The following SNTG1 variants were observed in gnomAD, a reference collection of about 807,000 sequenced individuals.
SNTG1 encodes the protein gamma-1-syntrophin.
In SNTG1, 39 loss-of-function variants were observed where a neutral mutation model predicts 74.7. That is an observed-to-expected ratio of 0.52 (90% confidence interval 0.40 to 0.68). The LOEUF (loss-of-function observed/expected upper bound fraction) is 0.68. Among genes scored for constraint, SNTG1 ranks in the 30% least tolerant of loss-of-function variants. The pLI is 0.00. For synonymous variants in SNTG1, 254 were observed against 217.1 expected, an observed-to-expected ratio of 1.17 and a Z score of -1.49; for missense variants, 685 against 609.5, an observed-to-expected ratio of 1.12 and a Z score of -1.30.
intron 2 of SNTG1, among the ~76,000 whole-genome samples, chr8:50,383,018 T>G (rs1174743642): frequency 2.0e-5 from 3 of 152,210 alleles, no homozygotes; most frequent in African/African-American, 7.2e-5. Flanking sequence ...TCTCCTGTAC[T>G]TAAAGCCAAC....
At chr8:50,758,918 A>G (rs112598834) in intron 18 of SNTG1, among the ~76,000 whole-genome samples, 77 of 152,216 alleles carry the variant, frequency 5.1e-4, no homozygotes, top group African/African-American at 1.8e-3. Flanking sequence ...AAATGTTTGA[A>G]CTAATTTACA....
intron 1 of SNTG1, among the ~76,000 whole-genome samples, chr8:50,165,006 A>T (rs1206866785): frequency 6.6e-6 from 1 of 152,142 alleles, no homozygotes; most frequent in African/African-American, 2.4e-5. Context: ...AACTCATAGA[A>T]ACTATGCTTC....
In SNTG1 at chr8:50,792,971, G is replaced by C; in HGVS notation, c.*142G>C. The C allele has an allele frequency of 1.2e-6, 1 of 834,268 alleles. No homozygotes were observed. Among genetic ancestry groups the C allele is most frequent in the Non-Finnish European group, 1.8e-6 (1 of 568,346 alleles). The allele number at this position is 834,268 out of a possible 1,614,324, so 51.7% of individuals were successfully genotyped here. On this transcript the variant is annotated 3_prime_UTR_variant, in exon 19 of 19. Coordinates refer to ENST00000642720, the MANE Select transcript of SNTG1 (RefSeq NM_018967.5). ...AATTTCGGCAGAAAAAGAAGGTCAT[G>C]TGGAACCTCAAAAACACTTCTATTC...
intron 2 of SNTG1, among the ~76,000 whole-genome samples, chr8:50,309,931 G>C (rs914283792): frequency 1.3e-5 from 2 of 152,172 alleles, no homozygotes; most frequent in Non-Finnish European, 2.9e-5. Context: ...GGAAAACATT[G>C]TGTTTTAACT....
chr8:50,455,847 T>C (rs1247278012), intron 8 of SNTG1, among the ~76,000 whole-genome samples: 1 of 152,212 alleles, frequency 6.6e-6, no homozygotes, highest in Non-Finnish European at 1.5e-5. Flanking sequence ...ACCTAACTGC[T>C]AACGATTACA....
intron 2 of SNTG1, among the ~76,000 whole-genome samples, chr8:50,378,164 A>C (rs890319821): frequency 3.3e-4 from 50 of 152,344 alleles, no homozygotes; most frequent in African/African-American, 1.2e-3. Flanking sequence ...GATCAGACAC[A>C]CCAACTGCTG....
rs28621414 is a variant in SNTG1 at position 50,340,352 on chromosome 8, T to C, written c.-27-53860T>C. Among the ~76,000 whole-genome samples the C allele has an allele frequency of 6.2e-3, 946 of 152,024 alleles. 7 individuals are homozygous for C. The highest frequency in any genetic ancestry group is 0.021 in the African/African-American group (887 of 41,528). ...TATAAAGCTACATTAACCAAAACAG[T>C]GTGGTGTTAGCAAAAGAATAGACAA... On this transcript the variant is annotated intron_variant, in intron 2 of 18. Coordinates refer to ENST00000642720, the MANE Select transcript of SNTG1 (RefSeq NM_018967.5).
At chr8:50,103,208 C>A (rs902148441) in intron 1 of SNTG1, among the ~76,000 whole-genome samples, 3 of 152,134 alleles carry the variant, frequency 2.0e-5, no homozygotes, top group Non-Finnish European at 2.9e-5. Flanking sequence ...AATGTTCTTC[C>A]ATTTCTTTGT....
intron 3 of SNTG1, among the ~76,000 whole-genome samples, chr8:50,394,875 A>G (rs1409981642): frequency 6.7e-6 from 1 of 148,756 alleles, no homozygotes; most frequent in Non-Finnish European, 1.5e-5. Context: ...TAAATATGTA[A>G]CATTCAAAGT....
intron 1 of SNTG1, among the ~76,000 whole-genome samples, chr8:50,153,373 G>C (rs2082139191): frequency 6.6e-6 from 1 of 152,152 alleles, no homozygotes; most frequent in Admixed American, 6.5e-5. Context: ...GCTCAGAGAA[G>C]TTTGATTGTC....
chr8:50,213,646 T>C (rs1025712876), intron 2 of SNTG1, among the ~76,000 whole-genome samples: 1 of 151,922 alleles, frequency 6.6e-6, no homozygotes, highest in Admixed American at 6.6e-5. Context: ...TGGTATCTCA[T>C]TGTGGTTTTG....
intron 11 of SNTG1, among the ~76,000 whole-genome samples, chr8:50,544,859 A>G (rs2625754): frequency 0.4 from 61,435 of 151,902 alleles, 16,785 homozygotes; most frequent in African/African-American, 0.78. Context: ...ACAGACTAGT[A>G]GTAGTAGATT....
chr8:49,913,602 A>G (rs1344072646), intron 1 of SNTG1, among the ~76,000 whole-genome samples: 2 of 152,192 alleles, frequency 1.3e-5, no homozygotes, highest in African/African-American at 4.8e-5. Flanking sequence ...CCGTTGCCCT[A>G]TATAGGTCAA....
chr8:50,591,120 A>T (rs2094689085), intron 13 of SNTG1, among the ~76,000 whole-genome samples: 1 of 152,254 alleles, frequency 6.6e-6, no homozygotes, highest in East Asian at 1.9e-4. Flanking sequence ...TACTTTAAAA[A>T]TGTTTATCTA....
intron 15 of SNTG1, among the ~76,000 whole-genome samples, chr8:50,661,682 C>T (rs949037587): frequency 9.9e-5 from 15 of 152,110 alleles, no homozygotes; most frequent in African/African-American, 2.9e-4. Flanking sequence ...GGTATTTGTC[C>T]TAATGATGTC....
chr8:50,346,934 G>A lies in SNTG1; in HGVS notation c.-27-47278G>A, dbSNP rs185866955. Among the ~76,000 whole-genome samples the A allele has an allele frequency of 3.3e-5, 5 of 152,342 alleles. No homozygotes were observed. In the East Asian group the frequency reaches 9.7e-4, roughly 29 times the overall value. On this transcript the variant is annotated intron_variant, in intron 2 of 18. Transcript: ENST00000642720. ...AGCAGAAGCTGGTCATGAGGTTTAA[G>A]GAAAGAAGTCATCTTCACAACATAA...
At chr8:50,428,285 C>T (rs576416116) in intron 4 of SNTG1, among the ~76,000 whole-genome samples, 3 of 152,134 alleles carry the variant, frequency 2.0e-5, no homozygotes, top group Admixed American at 1.3e-4. Flanking sequence ...ATTCCAGCCT[C>T]GGCAACAGAG....
intron 9 of SNTG1, among the ~76,000 whole-genome samples, chr8:50,522,456 G>A (rs1356318543): frequency 6.6e-6 from 1 of 151,994 alleles, no homozygotes; most frequent in Non-Finnish European, 1.5e-5. Flanking sequence ...AATTGTTAAG[G>A]GACCTATCCT....
In SNTG1 at chr8:50,608,451, C is replaced by T. The variant is rs527951079; in HGVS notation, c.849+17534C>T. On this transcript the variant is annotated intron_variant, in intron 13 of 18. Transcript: ENST00000642720. ...TGACATTTGTGTCATCATGAAATGT[C>T]GTTCTTTTTCTGTATAATATTTCTT... 2.6e-5 allele frequency among the ~76,000 whole-genome samples: 4 copies of T among 151,600 alleles called. No individual in the cohort carries two copies. The South Asian group carries it at 6.2e-4, about 24-fold the overall frequency.
Sources: gnomAD v4.1 joint callset for allele counts (sites outside exome capture counted in the v4.1 genomes callset) on GRCh38, gnomAD v4.1.1 for gene constraint, MANE v1.5 for transcripts, NCBI Gene and HGNC (gene_info 2026-07-23, HGNC 2026-07-21) for gene names.